The following BRWD1 variants were observed in gnomAD, a reference collection of about 807,000 sequenced individuals.
BRWD1 encodes bromodomain and WD repeat domain containing 1.
In BRWD1, 82 loss-of-function variants were observed where a neutral mutation model predicts 251.2. The observed-to-expected ratio is 0.33, with a 90% confidence interval of 0.27 to 0.39. The LOEUF (loss-of-function observed/expected upper bound fraction) is 0.39, where lower values mean the gene tolerates loss of function less well. Ranked by LOEUF, BRWD1 falls within the 10% of genes least tolerant of loss-of-function variation. BRWD1 has a pLI of 1.00. For synonymous variants in BRWD1, 918 were observed against 902.8 expected (o/e 1.02, Z -0.30); for missense variants, 2,233 against 2,711.6 (o/e 0.82, Z 3.92).
rs138222977 is a variant in BRWD1, at chr21:39,232,492, G to C, written c.2773C>G (p.Arg925Gly). 9 of 1,586,348 alleles carry C rather than the reference G, an allele frequency of 5.7e-6. No homozygotes were observed. The highest frequency in any genetic ancestry group is 7.7e-6 in the Non-Finnish European group (9 of 1,173,600). ...GCAAGCTCTGCTGGAGTCATCCTCCGCAAATTCTACCAAGGGGAAGAGAAC... is the reference window on the plus strand; with the variant it reads ...GCAAGCTCTGCTGGAGTCATCCTCCCCAAATTCTACCAAGGGGAAGAGAAC... ...KENKPKKENL[R>G]RMTPAELANM... is the part of the protein sequence containing the mutation. Residue 925 changes from arginine (R) to glycine (G), a missense_variant, in exon 24 of 41, where the codon CGG (arginine) becomes GGG (glycine). Arg to Gly is a moderately radical substitution (Grantham distance 125, BLOSUM62 -2). Transcript: ENST00000342449.
chr21:39,309,495 A>C (rs2036397742), intron 4 of BRWD1, among the ~76,000 whole-genome samples: 1 of 151,964 alleles, frequency 6.6e-6, no homozygotes, highest in African/African-American at 2.4e-5. Flanking sequence ...GCATGTATGG[A>C]CCTTTCTCAA....
At chr21:39,202,275 T>C in intron 38 of BRWD1, 50 bp downstream of exon 38, 1 of 1,415,800 alleles carries the variant, frequency 7.1e-7, no homozygotes, top group Non-Finnish European at 9.8e-7. Context: ...CGGCCAGTGT[T>C]ACACATTTGG....
At chr21:39,298,305 T>A in intron 5 of BRWD1, 127 bp downstream of exon 5, 1 of 1,349,128 alleles carries the variant, frequency 7.4e-7, no homozygotes, top group Non-Finnish European at 9.6e-7. Context: ...TGCAGAGAAT[T>A]TTATAGTCCA....
chr21:39,285,871 CAAAAAAAAA>C (rs113834787), intron 8 of BRWD1, among the ~76,000 whole-genome samples: 2 of 101,474 alleles, frequency 2.0e-5, no homozygotes, highest in African/African-American at 3.8e-5. Flanking sequence ...GCCCAGTCAA[CAAAAAAAAA>C]AAAAAAAAAA....
chr21:39,247,841 C>T lies in BRWD1; in HGVS notation c.2350-9G>A, dbSNP rs371048876. On this transcript the variant is annotated splice_polypyrimidine_tract_variant and intron_variant, in intron 20 of 40. Transcript: ENST00000342449. Reference sequence around the variant, plus strand: ...AAAACCACTGAATCCGACTGAAACACAGAAAAACATGCGAATGAAAATCAA... The same window carrying T: ...AAAACCACTGAATCCGACTGAAACATAGAAAAACATGCGAATGAAAATCAA... 6.9e-6 allele frequency: 11 copies of T among 1,584,106 alleles called. No homozygotes were observed. The highest frequency in any genetic ancestry group is 9.4e-6 in the Non-Finnish European group (11 of 1,166,880).
At position 39,192,648 on chromosome 21, in the gene BRWD1, G is replaced by GA; in HGVS notation, c.*3610dup. 3 of 984,916 alleles carry GA rather than the reference G, an allele frequency of 3.0e-6. No individual in the cohort carries two copies. Among genetic ancestry groups the GA allele is most frequent in the Non-Finnish European group, 3.6e-6 (3 of 829,576 alleles). 61.0% of individuals were successfully genotyped at this position (984,916 alleles called of 1,614,324 possible). A position where few individuals can be genotyped will look rare whatever the true frequency, so the allele number is the denominator to read the frequency against. ...ATAAATATATCAACTTACTATTCAT[G>GA]AAAAGAATGGAGCTGGTTATTTCAG... On this transcript the variant is annotated 3_prime_UTR_variant, in exon 41 of 41. Transcript: ENST00000342449.
rs766924221 is a variant in BRWD1, at chr21:39,313,305, G to A, written c.50-6C>T. On this transcript the variant is annotated splice_polypyrimidine_tract_variant and splice_region_variant and intron_variant, in intron 1 of 40. Coordinates refer to ENST00000342449, the MANE Select transcript of BRWD1 (RefSeq NM_033656.4). ...GGCGATAAGGAAGTACAGCTCTGCG[G>A]GAAGACAAGGAGTCAGGTCAAGCCC... 1.0e-5 allele frequency: 16 copies of A among 1,553,420 alleles called. No homozygotes were observed. The highest frequency in any genetic ancestry group is 1.4e-5 in the African/African-American group (1 of 70,682).
At chr21:39,292,363 T>A (rs181535261) in intron 8 of BRWD1, among the ~76,000 whole-genome samples, 400 of 152,220 alleles carry the variant, frequency 2.6e-3, no homozygotes, top group African/African-American at 9.2e-3. Context: ...CTAGTAAGAG[T>A]AACATTTTCT....
At chr21:39,284,176 C>A (rs1030699556) in intron 8 of BRWD1, among the ~76,000 whole-genome samples, 1 of 152,162 alleles carries the variant, frequency 6.6e-6, no homozygotes, top group African/African-American at 2.4e-5. Context: ...TATAGCCAAT[C>A]TTTTTTTGTG....
At chr21:39,198,371 C>G (rs574412963) in intron 40 of BRWD1, among the ~76,000 whole-genome samples, 1 of 152,284 alleles carries the variant, frequency 6.6e-6, no homozygotes, top group South Asian at 2.1e-4. Flanking sequence ...ACTAACATCT[C>G]TTTTTATTAA....
chr21:39,244,939 T>TATATATATATATATATATAC (rs2034131582), intron 21 of BRWD1, among the ~76,000 whole-genome samples: 1 of 140,810 alleles, frequency 7.1e-6, no homozygotes, highest in South Asian at 2.3e-4. Context: ...TATATATATA[T>TATATATATATATATATATAC]ATATATGCAG....
Position 39,195,527 on chromosome 21 carries a change from C to G in BRWD1, c.*732G>C, listed in dbSNP as rs375251088. ...AGTGCACAATTTAAAAGAAAATGCTCTGACTATGCTCTGGTCCTAGAGGTT... is the reference window on the plus strand; with the variant it reads ...AGTGCACAATTTAAAAGAAAATGCTGTGACTATGCTCTGGTCCTAGAGGTT... On this transcript the variant is annotated 3_prime_UTR_variant, in exon 41 of 41. Transcript: ENST00000342449. 1 of 984,164 alleles carries G rather than the reference C, an allele frequency of 1.0e-6. No homozygotes were observed. The highest frequency in any genetic ancestry group is 1.2e-6 in the Non-Finnish European group (1 of 828,600). 61.0% of individuals were successfully genotyped at this position (984,164 alleles called of 1,614,324 possible).
At chr21:39,312,765 G>C (rs1453171335) in intron 4 of BRWD1, 76 bp downstream of exon 4, 1 of 1,274,268 alleles carries the variant, frequency 7.8e-7, no homozygotes, top group Non-Finnish European at 1.1e-6. Flanking sequence ...ACGGGCCGGG[G>C]TCCCCGCGAG....
chr21:39,297,281 A>T, intron 5 of BRWD1: 3 of 985,450 alleles, frequency 3.0e-6, no homozygotes, highest in Non-Finnish European at 3.6e-6. Flanking sequence ...TAACAGACAT[A>T]TTGCATTTTA....
chr21:39,294,505 A>G (rs1409535717), intron 7 of BRWD1, among the ~76,000 whole-genome samples: 1 of 152,186 alleles, frequency 6.6e-6, no homozygotes, highest in African/African-American at 2.4e-5. Flanking sequence ...AATACAAAAA[A>G]TTAGCCGGGC....
rs183449450 is a variant in BRWD1, at chr21:39,219,182, A to G, written c.3383-522T>C. Reference sequence around the variant, plus strand: ...ACGCCTGTAATCCTAGCACTTTCAGAGGCCGAGGTGGGTGGATCGCCTGAG... The same window carrying G: ...ACGCCTGTAATCCTAGCACTTTCAGGGGCCGAGGTGGGTGGATCGCCTGAG... On this transcript the variant is annotated intron_variant, in intron 29 of 40. Coordinates refer to ENST00000342449, the MANE Select transcript of BRWD1 (RefSeq NM_033656.4). 3.8e-3 allele frequency among the ~76,000 whole-genome samples: 577 copies of G among 152,310 alleles called. 2 individuals are homozygous for G. Among genetic ancestry groups the G allele is most frequent in the African/African-American group, 0.013 (547 of 41,568 alleles).
At chr21:39,296,584 A>G (rs1311590452) in intron 5 of BRWD1, 4 of 1,155,668 alleles carry the variant, frequency 3.5e-6, no homozygotes, top group East Asian at 7.3e-5. Flanking sequence ...TTTGTGTAGC[A>G]CTTTACAATT....
In BRWD1 at chr21:39,247,666, G is replaced by T. The variant is rs531047952; in HGVS notation, c.2481+35C>A. The T allele has an allele frequency of 3.5e-5, 55 of 1,567,364 alleles. No homozygotes were observed. The South Asian group carries it at 6.5e-4, about 18-fold the overall frequency. The stretch of plus-strand genomic sequence containing the variant: ...AAAGAATTAAGCCAAATTCATTTAA[G>T]ATTATCTTATAACATTTTAAAGTTT... On this transcript the variant is annotated intron_variant, in intron 21 of 40. Coordinates refer to ENST00000342449, the MANE Select transcript of BRWD1 (RefSeq NM_033656.4).
chr21:39,254,886 T>C (rs1301995718), intron 19 of BRWD1, among the ~76,000 whole-genome samples: 1 of 152,198 alleles, frequency 6.6e-6, no homozygotes, highest in Non-Finnish European at 1.5e-5. Context: ...TGAAAACATT[T>C]ATGACACCTG....
Sources: gnomAD v4.1 joint callset for allele counts (sites outside exome capture counted in the v4.1 genomes callset) on GRCh38, gnomAD v4.1.1 for gene constraint, MANE v1.5 for transcripts, NCBI Gene and HGNC (gene_info 2026-07-23, HGNC 2026-07-21) for gene names.